Variants in CLCN3 observed in about 807,000 individuals in gnomAD.
CLCN3 encodes H(+)/Cl(-) exchange transporter 3.
Under a neutral mutation model 83.4 loss-of-function variants are expected in CLCN3, and 16 were observed. That is an observed-to-expected ratio of 0.19 (90% CI 0.13 to 0.29). The LOEUF (loss-of-function observed/expected upper bound fraction) is 0.29. Ranked by LOEUF, CLCN3 falls within the 10% of genes least tolerant of loss-of-function variation. The pLI, the probability that CLCN3 is intolerant of heterozygous loss-of-function variation, is 1.00. For synonymous variants in CLCN3, 322 were observed against 346.2 expected (o/e 0.93, Z 0.78); for missense variants, 544 against 1,006.0 (o/e 0.54, Z 6.21).
At chr4:169,681,839 A>G (rs1731952761) in intron 3 of CLCN3, among the ~76,000 whole-genome samples, 1 of 152,242 alleles carries the variant, frequency 6.6e-6, no homozygotes, top group Non-Finnish European at 1.5e-5. Context: ...TATAAATCTC[A>G]TTATTGTCTG....
At chr4:169,708,111 T>TCAA (rs1733062520) in intron 11 of CLCN3, among the ~76,000 whole-genome samples, 1 of 152,190 alleles carries the variant, frequency 6.6e-6, no homozygotes, top group African/African-American at 2.4e-5. Flanking sequence ...AATGGAAGTG[T>TCAA]CAAGCCTTTG....
At chr4:169,673,948 T>C (rs1731578670) in intron 2 of CLCN3, among the ~76,000 whole-genome samples, 1 of 152,182 alleles carries the variant, frequency 6.6e-6, no homozygotes, top group African/African-American at 2.4e-5. Flanking sequence ...CTTCAGTGTG[T>C]GTATTCCCTC....
At chr4:169,690,874 C>T (rs1258073440) in intron 6 of CLCN3, among the ~76,000 whole-genome samples, 5 of 151,708 alleles carry the variant, frequency 3.3e-5, no homozygotes, top group African/African-American at 9.7e-5. Context: ...TTTTTTCTCT[C>T]ACCACTAATT....
At chr4:169,670,224 T>C (rs560019356) in intron 2 of CLCN3, among the ~76,000 whole-genome samples, 2 of 152,284 alleles carry the variant, frequency 1.3e-5, no homozygotes, top group South Asian at 2.1e-4. Context: ...TGGTATTGCC[T>C]AGGTTTTCAT....
intron 5 of CLCN3, among the ~76,000 whole-genome samples, chr4:169,689,749 A>G (rs142666934): frequency 2.0e-5 from 3 of 152,330 alleles, no homozygotes; most frequent in East Asian, 1.9e-4. Context: ...TGACATGGAT[A>G]TATTTTTTAA....
At position 169,722,444 on chromosome 4, in the gene CLCN3, T is replaced by A. The variant is rs1733667389; in HGVS notation, c.*2447T>A. ...CATTTCTAAATGATAGTTCTGTATA[T>A]CTCCAACTCGTCTTAAGTGTATTTG... On this transcript the variant is annotated 3_prime_UTR_variant, in exon 13 of 13. Coordinates refer to ENST00000513761, the MANE Select transcript of CLCN3 (RefSeq NM_001829.4). The A allele has an allele frequency of 6.6e-6, 1 of 152,242 alleles. No homozygotes were observed. Among genetic ancestry groups the A allele is most frequent in the African/African-American group, 2.4e-5 (1 of 41,458 alleles). The allele number at this position is 152,242 out of a possible 1,614,324, so 9.4% of individuals were successfully genotyped here.
chr4:169,673,597 C>T (rs1057085663), intron 2 of CLCN3, among the ~76,000 whole-genome samples: 2 of 151,606 alleles, frequency 1.3e-5, no homozygotes, highest in Non-Finnish European at 2.9e-5. Flanking sequence ...GTAACAAGAC[C>T]AGTAGTCCAT....
At chr4:169,666,014 A>G (rs1731232517) in intron 2 of CLCN3, among the ~76,000 whole-genome samples, 1 of 151,358 alleles carries the variant, frequency 6.6e-6, no homozygotes, top group African/African-American at 2.4e-5. Context: ...CAGCAAATAT[A>G]TGTGGAAAGC....
At chr4:169,697,071 G>A in intron 8 of CLCN3, 118 bp from the exon 9 acceptor site, 1 of 699,936 alleles carries the variant, frequency 1.4e-6, no homozygotes, top group Non-Finnish European at 2.3e-6. Flanking sequence ...TCCATTACAT[G>A]TAAATTCTAA....
intron 3 of CLCN3, among the ~76,000 whole-genome samples, chr4:169,683,813 G>A (rs1051412290): frequency 1.3e-5 from 2 of 149,620 alleles, no homozygotes; most frequent in Admixed American, 6.7e-5. Context: ...GTGCGATCTC[G>A]ACTCCCTGCA....
chr4:169,699,836 C>T (rs567116286), intron 9 of CLCN3, among the ~76,000 whole-genome samples: 1 of 152,100 alleles, frequency 6.6e-6, no homozygotes, highest in African/African-American at 2.4e-5. Context: ...GAGCCAAGAT[C>T]ACACCACTGC....
At position 169,701,535 on chromosome 4, in the gene CLCN3, G is replaced by A. The variant is rs184932328; in HGVS notation, c.1564-2463G>A. ...GAACATTTTCAATTTATTTTGCCCG[G>A]ATCAATCAGAGAAGTTGTTATCAGT... On this transcript the variant is annotated intron_variant, in intron 9 of 12. Transcript: ENST00000513761. Among the ~76,000 whole-genome samples the A allele has an allele frequency of 2.8e-3, 420 of 152,184 alleles. 3 individuals are homozygous for A. Among genetic ancestry groups the A allele is most frequent in the African/African-American group, 9.6e-3 (400 of 41,514 alleles).
chr4:169,707,695 CTG>C (rs1191244889), intron 11 of CLCN3, among the ~76,000 whole-genome samples: 3 of 152,120 alleles, frequency 2.0e-5, no homozygotes, highest in African/African-American at 7.2e-5. Flanking sequence ...TAGAATAACA[CTG>C]TTTTGCTTTA....
In CLCN3 at chr4:169,689,187, C is replaced by A; in HGVS notation, c.563C>A (p.Pro188Gln). ...ACATTTGAAGAGAGGGATAAATGTC[C>A]ACAGTGGAAAACATGGGCAGAATTA... ...ETTFEERDKC[P>Q]QWKTWAELII... Residue 188 changes from proline to glutamine, a missense_variant, in exon 5 of 13, where the codon CCA becomes CAA. Pro to Gln is a moderately conservative substitution (Grantham distance 76). This residue lies in a region of CLCN3 where 96 missense variants were observed against 202.1 expected (regional missense o/e 0.48). Coordinates refer to ENST00000513761, the MANE Select transcript of CLCN3 (RefSeq NM_001829.4). 6.2e-7 allele frequency: 1 copy of A among 1,613,656 alleles called. No homozygotes were observed. Among genetic ancestry groups the A allele is most frequent in the Admixed American group, 1.7e-5 (1 of 59,942 alleles).
chr4:169,698,177 A>G (rs921598434), intron 9 of CLCN3, among the ~76,000 whole-genome samples: 3 of 152,230 alleles, frequency 2.0e-5, no homozygotes, highest in African/African-American at 7.2e-5. Context: ...CATGGAGTGC[A>G]TAATAATCTC....
In CLCN3 at chr4:169,690,409, T is replaced by C. The variant is rs570758668; in HGVS notation, c.607-121T>C. On this transcript the variant is annotated intron_variant, in intron 5 of 12. Transcript: ENST00000513761. ...GATCCACCCGCCTCAACCTCCCCAG[T>C]GCTGGGATTACAGGCGTGAGCCACC... 4.0e-6 allele frequency: 4 copies of C among 994,244 alleles called. No individual in the cohort carries two copies. The African/African-American group carries it at 6.5e-5, about 16-fold the overall frequency. The allele number at this position is 994,244 out of a possible 1,614,324, so 61.6% of individuals were successfully genotyped here. A position where few individuals can be genotyped will look rare whatever the true frequency, so the allele number is the denominator to read the frequency against.
chr4:169,663,808 T>C (rs1731150297), intron 2 of CLCN3, among the ~76,000 whole-genome samples: 1 of 152,200 alleles, frequency 6.6e-6, no homozygotes, highest in Admixed American at 6.5e-5. Flanking sequence ...ATCATGAGGC[T>C]AAACTGCTTC....
intron 1 of CLCN3, among the ~76,000 whole-genome samples, chr4:169,632,841 A>T (rs187596078): frequency 6.6e-6 from 1 of 151,946 alleles, no homozygotes; most frequent in African/African-American, 2.4e-5. Context: ...AAGAGATGTT[A>T]ACATGGAATG....
intron 8 of CLCN3, among the ~76,000 whole-genome samples, chr4:169,696,076 T>G (rs993661560): frequency 6.6e-6 from 1 of 151,124 alleles, no homozygotes; most frequent in Non-Finnish European, 1.5e-5. Context: ...TGTGGGGTTT[T>G]TTTGTTTTGT....
Sources: gnomAD v4.1 joint callset for allele counts (sites outside exome capture counted in the v4.1 genomes callset) on GRCh38, gnomAD v4.1.1 for gene constraint, gnomAD v4.1.1 regional missense constraint, MANE v1.5 for transcripts, NCBI Gene and HGNC (gene_info 2026-07-23, HGNC 2026-07-21) for gene names.